Variants in TOLLIP observed in about 807,000 individuals in gnomAD.
TOLLIP encodes the protein toll-interacting protein.
TOLLIP carries 16 observed loss-of-function variants against 33.5 expected under a neutral mutation model. The observed-to-expected ratio is 0.48, with a 90% confidence interval of 0.32 to 0.72. The LOEUF (loss-of-function observed/expected upper bound fraction) is 0.72. TOLLIP is among the 30% of genes least tolerant of loss of function. The pLI, the probability that TOLLIP is intolerant of heterozygous loss-of-function variation, is 0.03. For synonymous variants in TOLLIP, 176 were observed against 163.7 expected (o/e 1.07, Z -0.57); for missense variants, 325 against 396.6 (o/e 0.82, Z 1.53).
intron 2 of TOLLIP, 105 bp downstream of exon 2, chr11:1,295,540 T>A: frequency 1.5e-6 from 2 of 1,347,018 alleles, no homozygotes; most frequent in Non-Finnish European, 2.0e-6. Flanking sequence ...AATCAGAAGT[T>A]CTGTTTGCCC....
At chr11:1,286,184 C>T (rs984323207) in intron 4 of TOLLIP, 92 bp from the exon 5 acceptor site, 58 of 984,246 alleles carry the variant, frequency 5.9e-5, no homozygotes, top group African/African-American at 1.6e-4. Flanking sequence ...GCCCTCCCCA[C>T]GCCAGCCCAG....
chr11:1,277,042 T>C lies in TOLLIP; in HGVS notation c.822A>G (p.Pro274=), dbSNP rs749010912. Residue 274 remains proline (P), a synonymous_variant, in exon 6 of 6, where the codon CCA becomes CCG. Transcript: ENST00000317204. The surrounding 1 kb of genome is among the most constrained non-coding windows in gnomAD (Gnocchi z 4.2). ...INSLLQMGEE[P] is the part of the protein sequence containing the mutation. ...AAACGGCATCGAGGCAGAGGCTCTA[T>C]GGCTCCTCCCCCATCTGCAGCAGGG... 1.2e-6 allele frequency: 2 copies of C among 1,613,712 alleles called. No individual in the cohort carries two copies. Among genetic ancestry groups the C allele is most frequent in the Non-Finnish European group, 1.7e-6 (2 of 1,179,734 alleles).
intron 4 of TOLLIP, 80 bp downstream of exon 4, chr11:1,288,544 G>C (rs1263313203): frequency 6.8e-7 from 1 of 1,473,216 alleles, no homozygotes; most frequent in Non-Finnish European, 9.1e-7. Context: ...AAAGAGACAA[G>C]GGTGTCTGTG....
intron 1 of TOLLIP, among the ~76,000 whole-genome samples, chr11:1,308,719 G>A (rs1370477749): frequency 2.6e-5 from 4 of 152,246 alleles, no homozygotes; most frequent in East Asian, 3.8e-4. Flanking sequence ...GGTTTTGCAC[G>A]GTGGCCACTA....
At position 1,296,674 on chromosome 11, in the gene TOLLIP, G is replaced by A. The variant is rs558344097; in HGVS notation, c.34-880C>T. On this transcript the variant is annotated intron_variant, in intron 1 of 5. Transcript: ENST00000317204. ...GTGGGATGGAGGCCTGGTTGCTGGT[G>A]GAGTGGGGTGGAGGCCTGGTTGCTG... Among the ~76,000 whole-genome samples, 1,042 of 135,712 alleles carry A rather than the reference G, an allele frequency of 7.7e-3. 27 individuals are homozygous for A. The highest frequency in any genetic ancestry group is 0.029 in the African/African-American group (987 of 33,612). 89.0% of individuals were successfully genotyped at this position (135,712 alleles called of 152,430 possible).
rs1247119827 is a variant in TOLLIP at position 1,277,787 on chromosome 11, G to A, written c.611-534C>T. Among the ~76,000 whole-genome samples the A allele has an allele frequency of 6.6e-6, 1 of 152,198 alleles. No individual in the cohort carries two copies. Among genetic ancestry groups the A allele is most frequent in the Non-Finnish European group, 1.5e-5 (1 of 68,046 alleles). On this transcript the variant is annotated intron_variant, in intron 5 of 5. Transcript: ENST00000317204. This position sits in a 1 kb window ranked among gnomAD's most constrained non-coding sequence, Gnocchi z 4.2. ...AAGTGTGTCACTAAACTGTGTGCCG[G>A]TGGGGAACAATCACCACAGGCACTG...
At chr11:1,282,590 C>G (rs1369623697) in intron 5 of TOLLIP, among the ~76,000 whole-genome samples, 1 of 151,464 alleles carries the variant, frequency 6.6e-6, no homozygotes, top group South Asian at 2.1e-4. Flanking sequence ...CAAACCTGCA[C>G]GTTGTGCACA....
intron 1 of TOLLIP, chr11:1,298,313 C>A (rs1864170642): frequency 6.6e-6 from 1 of 152,184 alleles, no homozygotes. Flanking sequence ...TGGCTCATGC[C>A]CTCCTGGCCA....
chr11:1,280,609 G>A (rs930873481), intron 5 of TOLLIP, among the ~76,000 whole-genome samples: 1 of 152,104 alleles, frequency 6.6e-6, no homozygotes, highest in Admixed American at 6.5e-5. Flanking sequence ...CTGCAGCCAC[G>A]GTGAGCACAG....
chr11:1,276,907 C>A lies in TOLLIP; in HGVS notation c.*132G>T, dbSNP rs41314515. Reference sequence around the variant, plus strand: ...CACCCAAGAACAGGTGTGGACGGGGCGGCACAGAAGTCCACGGGAGGGGGC... The same window carrying A: ...CACCCAAGAACAGGTGTGGACGGGGAGGCACAGAAGTCCACGGGAGGGGGC... On this transcript the variant is annotated 3_prime_UTR_variant, in exon 6 of 6. Coordinates refer to ENST00000317204, the MANE Select transcript of TOLLIP (RefSeq NM_019009.4). The A allele has an allele frequency of 1.3e-6, 2 of 1,562,770 alleles. No individual in the cohort carries two copies. The highest frequency in any genetic ancestry group is 1.4e-5 in the African/African-American group (1 of 74,014).
chr11:1,288,781 G>A lies in TOLLIP; in HGVS notation c.367-5C>T, dbSNP rs5743969. The A allele has an allele frequency of 2.6e-3, 4,220 of 1,610,760 alleles. 13 individuals carry two copies. Among genetic ancestry groups the A allele is most frequent in the Non-Finnish European group, 3.3e-3 (3,850 of 1,178,714 alleles). ...GTCGTCCATGGAGAAGGCTCTCTGC[G>A]GGAGACAAGAGGGAGAGGCCCCAGG... On this transcript the variant is annotated splice_region_variant and splice_polypyrimidine_tract_variant and intron_variant, in intron 3 of 5. Coordinates refer to ENST00000317204, the MANE Select transcript of TOLLIP (RefSeq NM_019009.4).
Position 1,275,190 on chromosome 11 carries a change from CA to C in TOLLIP, c.*1848del, listed in dbSNP as rs1863251077. On this transcript the variant is annotated 3_prime_UTR_variant, in exon 6 of 6. Coordinates refer to ENST00000317204, the MANE Select transcript of TOLLIP (RefSeq NM_019009.4). Reference sequence around the variant, plus strand: ...ACACGGGCTGCTCAAGGGCTGGCAGCAGGGGCCACGTCCTCTCTAGGAGACA... The same window carrying C: ...ACACGGGCTGCTCAAGGGCTGGCAGCGGGGCCACGTCCTCTCTAGGAGACA... 6.6e-6 allele frequency: 1 copy of C among 152,214 alleles called. No individual in the cohort carries two copies. The highest frequency in any genetic ancestry group is 1.5e-5 in the Non-Finnish European group (1 of 68,042). The allele number at this position is 152,214 out of a possible 1,614,324, so 9.4% of individuals were successfully genotyped here. A position where few individuals can be genotyped will look rare whatever the true frequency, so the allele number is the denominator to read the frequency against.
Position 1,305,475 on chromosome 11 carries a change from G to A in TOLLIP, c.33+3991C>T, listed in dbSNP as rs5743882. On this transcript the variant is annotated intron_variant, in intron 1 of 5. Transcript: ENST00000317204. Reference sequence around the variant, plus strand: ...AAAAGCAACTCTCTCCTTGAGGTACGGGAAGATGAGGGAAAAGCATCTCAC... The same window carrying A: ...AAAAGCAACTCTCTCCTTGAGGTACAGGAAGATGAGGGAAAAGCATCTCAC... Among the ~76,000 whole-genome samples the A allele has an allele frequency of 2.0e-3, 311 of 152,310 alleles. 3 individuals are homozygous for A. The highest frequency in any genetic ancestry group is 7.2e-3 in the African/African-American group (298 of 41,552).
chr11:1,301,276 C>T (rs963387507), intron 1 of TOLLIP, among the ~76,000 whole-genome samples: 4 of 152,244 alleles, frequency 2.6e-5, no homozygotes, highest in Non-Finnish European at 4.4e-5. Context: ...ACATCATTAG[C>T]GATGGGCTAA....
chr11:1,297,661 G>C (rs1323946351), intron 1 of TOLLIP, among the ~76,000 whole-genome samples: 1 of 152,262 alleles, frequency 6.6e-6, no homozygotes, highest in African/African-American at 2.4e-5. Flanking sequence ...AACAAGCAGA[G>C]CACCCCGGCT....
chr11:1,290,097 C>G lies in TOLLIP; in HGVS notation c.366+130G>C. The G allele has an allele frequency of 1.2e-6, 1 of 829,190 alleles. No individual in the cohort carries two copies. The highest frequency in any genetic ancestry group is 1.7e-5 in the South Asian group (1 of 59,790). The allele number at this position is 829,190 out of a possible 1,614,324, so 51.4% of individuals were successfully genotyped here. On this transcript the variant is annotated intron_variant, in intron 3 of 5. Transcript: ENST00000317204. This position sits in a 1 kb window ranked among gnomAD's most constrained non-coding sequence, Gnocchi z 4.9. The stretch of plus-strand genomic sequence containing the variant: ...GGAGAGCAGGACCCTGTCATGCACC[C>G]AATGAAACACCAGGTGGGGAGCCAC...
intron 1 of TOLLIP, among the ~76,000 whole-genome samples, chr11:1,308,173 T>C (rs1337797245): frequency 1.3e-5 from 2 of 152,236 alleles, no homozygotes; most frequent in Admixed American, 1.3e-4. Context: ...AATCTCACGC[T>C]GAATTATGAT....
chr11:1,300,830 C>T (rs1169905006), intron 1 of TOLLIP, among the ~76,000 whole-genome samples: 16 of 152,198 alleles, frequency 1.1e-4, no homozygotes, highest in Admixed American at 7.2e-4. Context: ...CACACGCAGG[C>T]GGCAGGAGAC....
chr11:1,290,470 T>C lies in TOLLIP; in HGVS notation c.184-61A>G, dbSNP rs1406885933. On this transcript the variant is annotated intron_variant, in intron 2 of 5. Coordinates refer to ENST00000317204, the MANE Select transcript of TOLLIP (RefSeq NM_019009.4). This position sits in a 1 kb window ranked among gnomAD's most constrained non-coding sequence, Gnocchi z 4.9. ...AACCATCAGGAGAGGGTGGGTTCTC[T>C]AGGCCGTCTGCCTCCCTGAACCCTT... The C allele has an allele frequency of 1.2e-5, 18 of 1,532,888 alleles. No homozygotes were observed. The highest frequency in any genetic ancestry group is 1.5e-5 in the Non-Finnish European group (17 of 1,114,818). The allele number at this position is 1,532,888 out of a possible 1,614,324, so 95.0% of individuals were successfully genotyped here. A position where few individuals can be genotyped will look rare whatever the true frequency, so the allele number is the denominator to read the frequency against.
Sources: allele counts gnomAD v4.1 joint callset (sites outside exome capture counted in the v4.1 genomes callset), GRCh38; gene constraint gnomAD v4.1.1; non-coding constraint Gnocchi (gnomAD v3.1); transcripts MANE v1.5; gene names NCBI Gene and HGNC (gene_info 2026-07-23, HGNC 2026-07-21).